DMD: variants seen among roughly 807,000 people sequenced by gnomAD.
DMD encodes mutant dystrophin.
In DMD, 63 loss-of-function variants were observed where a neutral mutation model predicts 330.1. The ratio of observed to expected loss-of-function variants is 0.19; its 90% CI spans 0.16 to 0.24. DMD has a LOEUF of 0.24. DMD is among the 10% of genes least tolerant of loss of function. DMD has a pLI of 1.00. For missense variants in DMD, 3,344 were observed against 2,684.1 expected (o/e 1.25, Z -5.43); for synonymous variants, 1,223 against 959.8 (o/e 1.27, Z -5.07).
At chrX:32,431,817 C>T (rs773069571) in intron 29 of DMD, among the ~76,000 whole-genome samples, 2 of 110,561 alleles carry the variant, frequency 1.8e-5, no homozygotes, top group Admixed American at 9.7e-5. Context: ...GTAAACTCAC[C>T]GTTCGTTGTA....
intron 17 of DMD, among the ~76,000 whole-genome samples, chrX:32,540,911 GC>G (rs2048426196): frequency 3.6e-5 from 4 of 111,238 alleles, no homozygotes; most frequent in African/African-American, 1.3e-4. Context: ...ATGGGAATTC[GC>G]ATGTCTGGAG....
At chrX:31,303,523 A>G (rs1049249319) in intron 62 of DMD, among the ~76,000 whole-genome samples, 4 of 111,386 alleles carry the variant, frequency 3.6e-5, no homozygotes, top group African/African-American at 1.3e-4. Context: ...CCTTCCTCCT[A>G]TGATATCTAT....
At chrX:32,596,106 G>A (rs143921962) in intron 12 of DMD, among the ~76,000 whole-genome samples, 1 of 110,675 alleles carries the variant, frequency 9.0e-6, no homozygotes, top group Non-Finnish European at 1.9e-5. Flanking sequence ...GTTAAGAAAG[G>A]TACAGCAGGA....
chrX:31,714,885 T>G (rs760946685), intron 52 of DMD, among the ~76,000 whole-genome samples: 1 of 111,681 alleles, frequency 9.0e-6, no homozygotes, highest in South Asian at 3.8e-4. Context: ...GTCCTAAAAT[T>G]TGTAAAATTC....
intron 7 of DMD, among the ~76,000 whole-genome samples, chrX:32,717,964 T>C (rs894573725): frequency 8.9e-6 from 1 of 111,792 alleles, no homozygotes; most frequent in Non-Finnish European, 1.9e-5. Context: ...CTAATGCCTG[T>C]ACCCTCATTG....
At chrX:33,237,778 C>T (rs973061177) in intron 1 of DMD, among the ~76,000 whole-genome samples, 2 of 111,546 alleles carry the variant, frequency 1.8e-5, no homozygotes, top group African/African-American at 6.5e-5. Flanking sequence ...ATGTATTGCT[C>T]GATTTTGATA....
Position 31,678,911 on chromosome X carries a change from A to C in DMD, c.7872+464T>G, listed in dbSNP as rs781067628. Among the ~76,000 whole-genome samples the C allele has an allele frequency of 9.8e-5, 11 of 111,887 alleles. No individual in the cohort carries two copies. The South Asian group carries it at 4.1e-3, about 42-fold the overall frequency. On this transcript the variant is annotated intron_variant, in intron 53 of 78. Transcript: ENST00000357033. ...ACTTTAACATTGACATTAGCTGTCA[A>C]TTTTCCTCTATTCTCTACCTTGACT... is the stretch of plus-strand genomic sequence containing the variant.
chrX:32,929,192 C>T (rs771830415), intron 2 of DMD, among the ~76,000 whole-genome samples: 1 of 110,638 alleles, frequency 9.0e-6, no homozygotes, highest in Admixed American at 9.7e-5. Context: ...GATGGGGGGA[C>T]ACTTAATTGG....
chrX:32,140,953 C>G (rs969527092), intron 44 of DMD, among the ~76,000 whole-genome samples: 1 of 111,091 alleles, frequency 9.0e-6, no homozygotes, highest in Non-Finnish European at 1.9e-5. Flanking sequence ...TTTTCACCAC[C>G]AAATTTTGCT....
chrX:31,745,579 A>C (rs2149093451), intron 51 of DMD, among the ~76,000 whole-genome samples: 1 of 112,155 alleles, frequency 8.9e-6, no homozygotes, highest in African/African-American at 3.2e-5. Context: ...AACATTTCTA[A>C]TTTACCTTCA....
At chrX:33,067,171 T>C (rs2094676762) in intron 1 of DMD, among the ~76,000 whole-genome samples, 1 of 112,155 alleles carries the variant, frequency 8.9e-6, no homozygotes. Flanking sequence ...ACCTACTCGA[T>C]CCTACAAGTG....
intron 44 of DMD, among the ~76,000 whole-genome samples, chrX:32,012,413 T>C (rs1342818155): frequency 8.9e-6 from 1 of 111,989 alleles, no homozygotes; most frequent in Admixed American, 9.5e-5. Context: ...CTTCCATTAT[T>C]GTGCCTCAGT....
intron 47 of DMD, among the ~76,000 whole-genome samples, chrX:31,896,271 T>C: frequency 8.9e-6 from 1 of 111,928 alleles, no homozygotes; most frequent in East Asian, 2.8e-4. Context: ...TTTTCTAAAC[T>C]ATCAATGATA....
intron 55 of DMD, among the ~76,000 whole-genome samples, chrX:31,586,845 T>C (rs2076633292): frequency 8.9e-6 from 1 of 112,322 alleles, no homozygotes. Flanking sequence ...CAAATGAATG[T>C]TGCATTTTAA....
At chrX:31,489,179 C>T (rs977304794) in intron 57 of DMD, among the ~76,000 whole-genome samples, 3 of 111,891 alleles carry the variant, frequency 2.7e-5, no homozygotes, top group African/African-American at 9.8e-5. Flanking sequence ...CTCACTCTGC[C>T]ACCCAGGCTA....
chrX:32,170,989 A>G (rs190697203), intron 44 of DMD, among the ~76,000 whole-genome samples: 217 of 111,445 alleles, frequency 1.9e-3, no homozygotes, highest in African/African-American at 6.7e-3. Flanking sequence ...ATAAAATAAC[A>G]TCTATCTATC....
chrX:32,330,330 CAA>C, intron 41 of DMD, among the ~76,000 whole-genome samples: 1 of 112,079 alleles, frequency 8.9e-6, no homozygotes, highest in Admixed American at 9.5e-5. Context: ...TTGTGAAAAT[CAA>C]AGTGGAAAAC....
chrX:33,198,900 G>T (rs951281532), intron 1 of DMD, among the ~76,000 whole-genome samples: 2 of 109,509 alleles, frequency 1.8e-5, no homozygotes, highest in Non-Finnish European at 3.8e-5. Context: ...GTAAAAAAGG[G>T]GAAACGGGGA....
chrX:31,322,546 A>C (rs1263766801), intron 62 of DMD, among the ~76,000 whole-genome samples: 2 of 112,218 alleles, frequency 1.8e-5, no homozygotes, highest in Non-Finnish European at 3.8e-5. Context: ...CGTTTCCTAA[A>C]GTATGTATTT....
Sources: allele counts gnomAD v4.1 joint callset (sites outside exome capture counted in the v4.1 genomes callset), GRCh38; gene constraint gnomAD v4.1.1; transcripts MANE v1.5; gene names NCBI Gene and HGNC (gene_info 2026-07-23, HGNC 2026-07-21).